IRGQ: variants seen among roughly 807,000 people sequenced by gnomAD.
IRGQ encodes the protein immunity-related GTPase family Q protein.
A neutral mutation model predicts 10.5 loss-of-function variants in IRGQ; 5 were observed. That is an observed-to-expected ratio of 0.48 (90% CI 0.25 to 1.00). IRGQ has a LOEUF of 1.00. IRGQ is among the 50% of genes least tolerant of loss of function. IRGQ has a pLI of 0.16. For missense variants in IRGQ, 792 were observed against 877.7 expected (o/e 0.90, Z 1.23); for synonymous variants, 418 against 426.0 (o/e 0.98, Z 0.23).
Position 43,593,154 on chromosome 19 carries a change from G to T in IRGQ, c.744C>A (p.Gly248=). The T allele has an allele frequency of 6.4e-7, 1 of 1,557,838 alleles. No individual in the cohort carries two copies. ...CCGAAGCAGGCGCAGCGCCTGGGTC[G>T]CCAGGATCCAATCCAAGCAGCATGT... ...VVDMLLGLDP[G]DPGAAPASVP... is the part of the protein sequence containing the mutation. The change falls in exon 3 of 3, where the codon GGC becomes GGA. Residue 248 remains glycine (G), a synonymous_variant. Transcript: ENST00000422989. This position sits in a 1 kb window ranked among gnomAD's most constrained non-coding sequence, Gnocchi z 6.4.
At chr19:43,594,187 G>A (rs907654542) in intron 2 of IRGQ, among the ~76,000 whole-genome samples, 4 of 152,212 alleles carry the variant, frequency 2.6e-5, no homozygotes, top group African/African-American at 7.2e-5. Context: ...TCTTCCAGGG[G>A]GCTGGGCAGA....
Position 43,594,883 on chromosome 19 carries a change from G to C in IRGQ, c.456C>G (p.Cys152Trp). ...GCTCCTCGCAGCCGTCGCTGCTGCC[G>C]CAGTTCGCCGGTAGCACAAACAGAT... is the stretch of plus-strand genomic sequence containing the variant. Reference protein sequence around the residue: ...AADLFVLPANCGSSDGCEELE... With the variant: ...AADLFVLPANWGSSDGCEELE... The change falls in exon 2 of 3, where the codon TGC becomes TGG. Residue 152 changes from cysteine to tryptophan, a missense_variant. Physicochemically the swap from Cys to Trp is radical, Grantham distance 215. Coordinates refer to ENST00000422989, the MANE Select transcript of IRGQ (RefSeq NM_001007561.3). 6.2e-7 allele frequency: 1 copy of C among 1,613,816 alleles called. No individual in the cohort carries two copies. The highest frequency in any genetic ancestry group is 8.5e-7 in the Non-Finnish European group (1 of 1,179,870).
At position 43,593,148 on chromosome 19, in the gene IRGQ, T is replaced by C; in HGVS notation, c.750A>G (p.Pro250=). The C allele has an allele frequency of 1.3e-6, 2 of 1,557,414 alleles. No individual in the cohort carries two copies. The highest frequency in any genetic ancestry group is 1.7e-6 in the Non-Finnish European group (2 of 1,148,902). ...TGGGGACCGAAGCAGGCGCAGCGCC[T>C]GGGTCGCCAGGATCCAATCCAAGCA... ...DMLLGLDPGD[P]GAAPASVPTA... Residue 250 remains proline, a synonymous_variant, in exon 3 of 3, where the codon CCA becomes CCG. Transcript: ENST00000422989. This position sits in a 1 kb window ranked among gnomAD's most constrained non-coding sequence, Gnocchi z 6.4.
rs757871483 is a variant in IRGQ, at chr19:43,594,912, C to T, written c.427G>A (p.Ala143Thr). Residue 143 changes from alanine (A) to threonine (T), a missense_variant, in exon 2 of 3, where the codon GCG becomes ACG. Ala to Thr is a moderately conservative substitution (Grantham distance 58, BLOSUM62 0). Coordinates refer to ENST00000422989, the MANE Select transcript of IRGQ (RefSeq NM_001007561.3). ...ALLNSAGLGA[A>T]DLFVLPANCG... ...TTCGCCGGTAGCACAAACAGATCCGCAGCTCCTAACCCCGCGCTGTTCAGC... is the reference window on the plus strand; with the variant it reads ...TTCGCCGGTAGCACAAACAGATCCGTAGCTCCTAACCCCGCGCTGTTCAGC... The T allele has an allele frequency of 6.2e-7, 1 of 1,614,036 alleles. No homozygotes were observed. The highest frequency in any genetic ancestry group is 1.1e-5 in the South Asian group (1 of 91,088).
Position 43,595,052 on chromosome 19 carries a change from A to T in IRGQ, c.287T>A (p.Leu96Gln), listed in dbSNP as rs1180476396. Residue 96 changes from leucine to glutamine, a missense_variant, in exon 2 of 3, where the codon CTG (leucine) becomes CAG (glutamine). Coordinates refer to ENST00000422989, the MANE Select transcript of IRGQ (RefSeq NM_001007561.3). Reference protein sequence around the residue: ...EGNGEPLAPALGEAALAALAR... With the variant: ...EGNGEPLAPAQGEAALAALAR... Reference sequence around the variant, plus strand: ...CAGGGCGGCCAGCGCTGCCTCTCCCAGGGCTGGAGCCAACGGTTCCCCGTT... The same window carrying T: ...CAGGGCGGCCAGCGCTGCCTCTCCCTGGGCTGGAGCCAACGGTTCCCCGTT... 1.2e-6 allele frequency: 2 copies of T among 1,613,052 alleles called. No individual in the cohort carries two copies. The highest frequency in any genetic ancestry group is 1.1e-5 in the South Asian group (1 of 91,064).
chr19:43,594,644 G>C (rs1172314272), intron 2 of IRGQ, among the ~76,000 whole-genome samples, 165 bp downstream of exon 2: 3 of 151,958 alleles, frequency 2.0e-5, no homozygotes, highest in Non-Finnish European at 2.9e-5. Flanking sequence ...ATTCAACCTA[G>C]CCAACATAGC....
In IRGQ at chr19:43,595,077, T is replaced by C. The variant is rs769483504; in HGVS notation, c.262A>G (p.Asn88Asp). The change falls in exon 2 of 3, where the codon AAC (asparagine) becomes GAC (aspartate). Residue 88 changes from asparagine (N) to aspartate (D), a missense_variant. Transcript: ENST00000422989. ...LVLVLPGPEG[N>D]GEPLAPALGE... is the part of the protein sequence containing the mutation. Reference sequence around the variant, plus strand: ...AGGGCTGGAGCCAACGGTTCCCCGTTCCCCTCGGGTCCGGGCAGCACCAGT... The same window carrying C: ...AGGGCTGGAGCCAACGGTTCCCCGTCCCCCTCGGGTCCGGGCAGCACCAGT... 6.2e-7 allele frequency: 1 copy of C among 1,611,900 alleles called. No homozygotes were observed. The highest frequency in any genetic ancestry group is 1.1e-5 in the South Asian group (1 of 90,958).
At position 43,584,577 on chromosome 19, in the gene IRGQ, T is replaced by C. The variant is rs1284216861; in HGVS notation, c.*7449A>G. 2 of 152,236 alleles carry C rather than the reference T, an allele frequency of 1.3e-5. No individual in the cohort carries two copies. The highest frequency in any genetic ancestry group is 1.9e-4 in the East Asian group (1 of 5,202). The allele number at this position is 152,236 out of a possible 1,614,324, so 9.4% of individuals were successfully genotyped here. On this transcript the variant is annotated 3_prime_UTR_variant, in exon 3 of 3. Transcript: ENST00000422989. ...ACACACAGAGAGAACAAGTCTGTAT[T>C]AGTTGCTTTTGCTACATAACAAACC...
rs1271299744 is a variant in IRGQ at position 43,592,680 on chromosome 19, GCCA to G, written c.1215_1217del (p.Gly406del). ...TTAACGCAGCGGCCCGCTCTGAGTC[GCCA>G]CCACCTGATTTCTTCATGCCGACAA... On this transcript the variant is annotated inframe_deletion, in exon 3 of 3. Transcript: ENST00000422989. The G allele has an allele frequency of 6.2e-7, 1 of 1,607,244 alleles. No individual in the cohort carries two copies. Among genetic ancestry groups the G allele is most frequent in the Non-Finnish European group, 8.5e-7 (1 of 1,179,948 alleles).
rs1973079602 is a variant in IRGQ, at chr19:43,592,833, C to T, written c.1065G>A (p.Lys355=). ...TCTCCAATCCCCCTCCACCTGCGTT[C>T]TTTAAGCTCTCGCCCTTGGGATTCT... ...KMENPKGESL[K]NAGGGGLENA... Residue 355 remains lysine, a synonymous_variant, in exon 3 of 3, where the codon AAG becomes AAA. Transcript: ENST00000422989. 1 of 1,613,968 alleles carries T rather than the reference C, an allele frequency of 6.2e-7. No homozygotes were observed. Among genetic ancestry groups the T allele is most frequent in the African/African-American group, 1.3e-5 (1 of 74,926 alleles).
At chr19:43,595,784 G>A (rs1170730578) in intron 1 of IRGQ, among the ~76,000 whole-genome samples, 198 bp downstream of exon 1, 1 of 151,988 alleles carries the variant, frequency 6.6e-6, no homozygotes, top group African/African-American at 2.4e-5. Context: ...AGGCTGCGGC[G>A]GGAGGATCGC....
chr19:43,593,017 G>C lies in IRGQ; in HGVS notation c.881C>G (p.Pro294Arg). 1 of 1,606,414 alleles carries C rather than the reference G, an allele frequency of 6.2e-7. No individual in the cohort carries two copies. Among genetic ancestry groups the C allele is most frequent in the Non-Finnish European group, 8.5e-7 (1 of 1,176,560 alleles). ...GAGGATGAGGGCGTCGTAGTGCGTT[G>C]GGTGAGAGGCGGCGGCCGCGGTGGT... The part of the protein sequence containing the change: ...TATTAAAASH[P>R]THYDALILVT... Residue 294 changes from proline (P) to arginine (R), a missense_variant, in exon 3 of 3, where the codon CCA (proline) becomes CGA (arginine). Pro to Arg is a moderately radical substitution (Grantham distance 103). Coordinates refer to ENST00000422989, the MANE Select transcript of IRGQ (RefSeq NM_001007561.3). This position sits in a 1 kb window ranked among gnomAD's most constrained non-coding sequence, Gnocchi z 6.4.
Position 43,592,933 on chromosome 19 carries a change from G to A in IRGQ, c.965C>T (p.Pro322Leu), listed in dbSNP as rs1973081240. The A allele has an allele frequency of 1.2e-6, 2 of 1,611,136 alleles. No homozygotes were observed. The highest frequency in any genetic ancestry group is 1.1e-5 in the South Asian group (1 of 91,082). Residue 322 changes from proline (P) to leucine (L), a missense_variant, in exon 3 of 3, where the codon CCA becomes CTA. Coordinates refer to ENST00000422989, the MANE Select transcript of IRGQ (RefSeq NM_001007561.3). ...DWAQVQALLLPDAPLVCVRTD... is the reference protein window; with the variant it reads ...DWAQVQALLLLDAPLVCVRTD... ...GCGCACGCAGACAAGAGGCGCATCT[G>A]GTAGCAGCAAGGCCTGGACCTGGGC...
rs537464548 is a variant in IRGQ, at chr19:43,587,274, G to C, written c.*4752C>G. ...GAACCTGGGAGGCAGAGGTTGCAGT[G>C]AGCTGAGGTCATGCCACTGCACTCC... On this transcript the variant is annotated 3_prime_UTR_variant, in exon 3 of 3. Coordinates refer to ENST00000422989, the MANE Select transcript of IRGQ (RefSeq NM_001007561.3). 1 of 152,320 alleles carries C rather than the reference G, an allele frequency of 6.6e-6. No individual in the cohort carries two copies. Among genetic ancestry groups the C allele is most frequent in the South Asian group, 2.1e-4 (1 of 4,830 alleles). The allele number at this position is 152,320 out of a possible 1,614,324, so 9.4% of individuals were successfully genotyped here. A position where few individuals can be genotyped will look rare whatever the true frequency, so the allele number is the denominator to read the frequency against.
chr19:43,593,299 G>A lies in IRGQ; in HGVS notation c.599C>T (p.Ala200Val). The change falls in exon 3 of 3, where the codon GCC becomes GTC. Residue 200 changes from alanine to valine, a missense_variant. Coordinates refer to ENST00000422989, the MANE Select transcript of IRGQ (RefSeq NM_001007561.3). The surrounding 1 kb of genome is among the most constrained non-coding windows in gnomAD (Gnocchi z 6.4). Reference protein sequence around the residue: ...GAAELEAVREAFETGGLEAAL... With the variant: ...GAAELEAVREVFETGGLEAAL... Reference sequence around the variant, plus strand: ...AGCCTCAAGGCCGCCGGTCTCAAAGGCCTCACGCACAGCCTCTAGCTCTGC... The same window carrying A: ...AGCCTCAAGGCCGCCGGTCTCAAAGACCTCACGCACAGCCTCTAGCTCTGC... 1.3e-6 allele frequency: 2 copies of A among 1,586,748 alleles called. No homozygotes were observed. Among genetic ancestry groups the A allele is most frequent in the Non-Finnish European group, 1.7e-6 (2 of 1,165,846 alleles).
In IRGQ at chr19:43,595,062, C is replaced by A. The variant is rs1297579098; in HGVS notation, c.277G>T (p.Ala93Ser). Residue 93 changes from alanine (A) to serine (S), a missense_variant, in exon 2 of 3, where the codon GCT becomes TCT. Ala to Ser is a moderately conservative substitution (Grantham distance 99). Coordinates refer to ENST00000422989, the MANE Select transcript of IRGQ (RefSeq NM_001007561.3). ...AGCGCTGCCTCTCCCAGGGCTGGAG[C>A]CAACGGTTCCCCGTTCCCCTCGGGT... ...PGPEGNGEPLAPALGEAALAA... is the reference protein window; with the variant it reads ...PGPEGNGEPLSPALGEAALAA... 1 of 1,612,914 alleles carries A rather than the reference C, an allele frequency of 6.2e-7. No individual in the cohort carries two copies. Among genetic ancestry groups the A allele is most frequent in the Non-Finnish European group, 8.5e-7 (1 of 1,179,594 alleles).
Position 43,592,759 on chromosome 19 carries a change from GCTTT to G in IRGQ, c.1135_1138del (p.Lys379GlnfsTer21). On this transcript the variant is annotated frameshift_variant, in exon 3 of 3. Coordinates refer to ENST00000422989, the MANE Select transcript of IRGQ (RefSeq NM_001007561.3). LOFTEE classifies it low-confidence loss of function (END_TRUNC). Reference sequence around the variant, plus strand: ...TTTCCCAGGACCTTCCCCGCTGCCTGCTTTCTGCGATCCAGCGCTACATTTCTCC... The same window carrying G: ...TTTCCCAGGACCTTCCCCGCTGCCTGCTGCGATCCAGCGCTACATTTCTCC... 5 of 1,613,192 alleles carry G rather than the reference GCTTT, an allele frequency of 3.1e-6. No homozygotes were observed. The highest frequency in any genetic ancestry group is 4.2e-6 in the Non-Finnish European group (5 of 1,180,024).
Position 43,589,931 on chromosome 19 carries a change from G to T in IRGQ, c.*2095C>A, listed in dbSNP as rs1426193702. 1 of 152,236 alleles carries T rather than the reference G, an allele frequency of 6.6e-6. No homozygotes were observed. The highest frequency in any genetic ancestry group is 1.5e-5 in the Non-Finnish European group (1 of 68,118). 9.4% of individuals were successfully genotyped at this position (152,236 alleles called of 1,614,324 possible). ...AGGAAAGAGAACAGCAGGTGCATGG[G>T]TCCCCAGGCAGGACTCAAGGTAGCC... is the stretch of plus-strand genomic sequence containing the variant. On this transcript the variant is annotated 3_prime_UTR_variant, in exon 3 of 3. Transcript: ENST00000422989.
At position 43,591,717 on chromosome 19, in the gene IRGQ, A is replaced by T. The variant is rs574620121; in HGVS notation, c.*309T>A. 2.0e-5 allele frequency: 5 copies of T among 247,974 alleles called. No homozygotes were observed. The highest frequency in any genetic ancestry group is 1.1e-4 in the Admixed American group (2 of 18,806). 15.4% of individuals were successfully genotyped at this position (247,974 alleles called of 1,614,324 possible). A position where few individuals can be genotyped will look rare whatever the true frequency, so the allele number is the denominator to read the frequency against. On this transcript the variant is annotated 3_prime_UTR_variant, in exon 3 of 3. Transcript: ENST00000422989. Reference sequence around the variant, plus strand: ...ACAAAAATTAGCCAGGTGTGGTGGCAGGCACCTGTAATCCCAGCTACTCCG... The same window carrying T: ...ACAAAAATTAGCCAGGTGTGGTGGCTGGCACCTGTAATCCCAGCTACTCCG...
Sources: allele counts gnomAD v4.1 joint callset (sites outside exome capture counted in the v4.1 genomes callset), GRCh38; gene constraint gnomAD v4.1.1; non-coding constraint Gnocchi (gnomAD v3.1); transcripts MANE v1.5; gene names NCBI Gene and HGNC (gene_info 2026-07-23, HGNC 2026-07-21).